The following DAAM1 variants were observed in gnomAD, a reference collection of about 807,000 sequenced individuals.
DAAM1 encodes the protein dishevelled associated activator of morphogenesis 1.
DAAM1 carries 52 observed loss-of-function variants against 130.0 expected under a neutral mutation model. The observed-to-expected ratio is 0.40, with a 90% CI of 0.32 to 0.50. DAAM1 has a LOEUF of 0.50. Among genes scored for constraint, DAAM1 ranks in the 20% least tolerant of loss-of-function variants. The pLI, the probability that DAAM1 is intolerant of heterozygous loss-of-function variation, is 0.61. For synonymous variants in DAAM1, 452 were observed against 444.5 expected (o/e 1.02, Z -0.21); for missense variants, 1,134 against 1,303.8 (o/e 0.87, Z 2.01).
intron 1 of DAAM1, among the ~76,000 whole-genome samples, chr14:59,233,105 G>A (rs1266200802): frequency 2.0e-5 from 3 of 152,130 alleles, no homozygotes; most frequent in Admixed American, 2.0e-4. Context: ...ACATACATGT[G>A]CATGTGTCTT....
At chr14:59,262,158 AT>A (rs1376586071) in intron 1 of DAAM1, among the ~76,000 whole-genome samples, 3 of 151,794 alleles carry the variant, frequency 2.0e-5, no homozygotes, top group South Asian at 4.2e-4. Flanking sequence ...TGAAAAGAAC[AT>A]TTTTTTTCTT....
intron 17 of DAAM1, among the ~76,000 whole-genome samples, chr14:59,349,545 C>G (rs1480036360): frequency 6.6e-6 from 1 of 152,208 alleles, no homozygotes; most frequent in Non-Finnish European, 1.5e-5. Flanking sequence ...ACTTCCGTTT[C>G]CTCTATACAA....
chr14:59,270,889 C>T (rs970725626), intron 2 of DAAM1, among the ~76,000 whole-genome samples: 12 of 152,124 alleles, frequency 7.9e-5, no homozygotes, highest in East Asian at 7.7e-4. Flanking sequence ...TGAGATTTTA[C>T]GTAAAAAATC....
intron 16 of DAAM1, among the ~76,000 whole-genome samples, chr14:59,343,882 G>A (rs1026787804): frequency 2.0e-5 from 3 of 152,170 alleles, no homozygotes; most frequent in Non-Finnish European, 2.9e-5. Flanking sequence ...AGGGCACCAG[G>A]GACCATACCT....
At chr14:59,195,077 A>T (rs1226983992) in intron 1 of DAAM1, among the ~76,000 whole-genome samples, 1 of 151,616 alleles carries the variant, frequency 6.6e-6, no homozygotes, top group Non-Finnish European at 1.5e-5. Context: ...CAATCATAAA[A>T]TTTTTTGAAC....
chr14:59,311,027 T>C lies in DAAM1; in HGVS notation c.274-4253T>C, dbSNP rs1335866227. 3.9e-4 allele frequency among the ~76,000 whole-genome samples: 60 copies of C among 152,266 alleles called. 1 individual carries two copies. Among genetic ancestry groups the C allele is most frequent in the Non-Finnish European group, 2.9e-5 (2 of 68,018 alleles). On this transcript the variant is annotated intron_variant, in intron 3 of 24. Transcript: ENST00000360909. ...TTATGTATTATTATTTGGGAAATGA[T>C]CCTATTAAGAAAGTGTCCTGTGCTA...
chr14:59,248,496 A>T (rs1360390968), intron 1 of DAAM1, among the ~76,000 whole-genome samples: 1 of 152,122 alleles, frequency 6.6e-6, no homozygotes, highest in Non-Finnish European at 1.5e-5. Context: ...AAGGATATTT[A>T]GCACATGGAG....
In DAAM1 at chr14:59,224,212, A is replaced by G. The variant is rs114417005; in HGVS notation, c.-38+35444A>G. On this transcript the variant is annotated intron_variant, in intron 1 of 24. Transcript: ENST00000360909. Reference sequence around the variant, plus strand: ...GGTGATATGCTGATTTGCTTAAGCAATGAGACCCCATCTGGTACAGCAGCT... The same window carrying G: ...GGTGATATGCTGATTTGCTTAAGCAGTGAGACCCCATCTGGTACAGCAGCT... Among the ~76,000 whole-genome samples the G allele has an allele frequency of 5.4e-3, 821 of 152,330 alleles. 10 individuals carry two copies. Among genetic ancestry groups the G allele is most frequent in the African/African-American group, 0.018 (767 of 41,568 alleles).
chr14:59,358,283 A>G (rs558692539), intron 20 of DAAM1, among the ~76,000 whole-genome samples: 1 of 152,310 alleles, frequency 6.6e-6, no homozygotes, highest in South Asian at 2.1e-4. Context: ...GTGTTGCCTA[A>G]TAGATACTGT....
chr14:59,368,206 A>AATAACAGTAACTATTGT (rs139675135), intron 24 of DAAM1, among the ~76,000 whole-genome samples: 19,456 of 151,950 alleles, frequency 0.13, 1,620 homozygotes, highest in African/African-American at 0.24. Flanking sequence ...GTTGGCTTTT[A>AATAACAGTAACTATTGT]ATAACAGTAA....
chr14:59,296,205 C>G (rs532590772), intron 3 of DAAM1, among the ~76,000 whole-genome samples: 2 of 152,316 alleles, frequency 1.3e-5, no homozygotes, highest in Admixed American at 1.3e-4. Context: ...GCAGGACAAC[C>G]AGCTTTCTAG....
In DAAM1 at chr14:59,370,067, T is replaced by C. The variant is rs929340140; in HGVS notation, c.*1208T>C. Reference sequence around the variant, plus strand: ...TCAATGAACATTAGAAAATAAAATATAGATGCTTACCATTAACCTACCAAC... The same window carrying C: ...TCAATGAACATTAGAAAATAAAATACAGATGCTTACCATTAACCTACCAAC... On this transcript the variant is annotated 3_prime_UTR_variant, in exon 25 of 25. Transcript: ENST00000360909. The C allele has an allele frequency of 1.3e-5, 2 of 150,136 alleles. No homozygotes were observed. The highest frequency in any genetic ancestry group is 3.0e-5 in the Non-Finnish European group (2 of 67,644). 9.3% of individuals were successfully genotyped at this position (150,136 alleles called of 1,614,324 possible). A position where few individuals can be genotyped will look rare whatever the true frequency, so the allele number is the denominator to read the frequency against.
intron 1 of DAAM1, among the ~76,000 whole-genome samples, chr14:59,200,399 C>CA (rs1888062851): frequency 6.6e-6 from 1 of 152,124 alleles, no homozygotes; most frequent in Non-Finnish European, 1.5e-5. Flanking sequence ...CAGCTTATCT[C>CA]AAATCAGCAG....
At chr14:59,293,682 C>G (rs1167182036) in intron 3 of DAAM1, among the ~76,000 whole-genome samples, 3 of 152,194 alleles carry the variant, frequency 2.0e-5, no homozygotes, top group Non-Finnish European at 4.4e-5. Context: ...TGGATGGTAG[C>G]ATTGTTTCAC....
chr14:59,238,756 A>G (rs1160974563), intron 1 of DAAM1, among the ~76,000 whole-genome samples: 1 of 152,166 alleles, frequency 6.6e-6, no homozygotes, highest in East Asian at 1.9e-4. Flanking sequence ...TTACTTCTGA[A>G]TATTTTTTTT....
intron 3 of DAAM1, among the ~76,000 whole-genome samples, chr14:59,296,407 A>G (rs965770915): frequency 6.6e-6 from 1 of 152,188 alleles, no homozygotes; most frequent in Non-Finnish European, 1.5e-5. Flanking sequence ...ATGTGTATTG[A>G]GTATCTTCTC....
rs997386447 is a variant in DAAM1 at position 59,302,897 on chromosome 14, AC to A, written c.273+11594del. Among the ~76,000 whole-genome samples the A allele has an allele frequency of 3.3e-5, 5 of 151,982 alleles. No individual in the cohort carries two copies. In the East Asian group the frequency reaches 7.7e-4, roughly 24 times the overall value. On this transcript the variant is annotated intron_variant, in intron 3 of 24. Transcript: ENST00000360909. ...TCGAAGTCCTGACCTCAGGTGATCT[AC>A]CCGCCTTGGCCTCCCAAAGTGCTAG...
chr14:59,356,425 C>CTTTTGATTGTCCT (rs1223408173), intron 20 of DAAM1, among the ~76,000 whole-genome samples: 1 of 152,222 alleles, frequency 6.6e-6, no homozygotes, highest in Non-Finnish European at 1.5e-5. Context: ...TTTCAGAGCA[C>CTTTTGATTGTCCT]TTTCACATTT....
intron 16 of DAAM1, among the ~76,000 whole-genome samples, chr14:59,342,220 C>G (rs1885877339): frequency 6.6e-6 from 1 of 152,110 alleles, no homozygotes; most frequent in African/African-American, 2.4e-5. Flanking sequence ...ACAGTGAGCA[C>G]AATTTAAAAG....
Sources: allele counts gnomAD v4.1 joint callset (sites outside exome capture counted in the v4.1 genomes callset), GRCh38; gene constraint gnomAD v4.1.1; transcripts MANE v1.5; gene names NCBI Gene and HGNC (gene_info 2026-07-23, HGNC 2026-07-21).